TPD52L1: variants seen among roughly 807,000 people sequenced by gnomAD.
TPD52L1 encodes TPD52 like 1.
A neutral mutation model predicts 28.7 loss-of-function variants in TPD52L1; 18 were observed. The ratio of observed to expected loss-of-function variants is 0.63; its 90% CI spans 0.43 to 0.93. The LOEUF (loss-of-function observed/expected upper bound fraction) is 0.93, where lower values mean the gene tolerates loss of function less well. TPD52L1 is among the 40% of genes least tolerant of loss of function. The pLI is 0.00. For missense variants in TPD52L1, 203 were observed against 254.8 expected (o/e 0.80, Z 1.39); for synonymous variants, 75 against 88.8 (o/e 0.84, Z 0.88).
chr6:125,222,226 CCATCT>C (rs1337066253), intron 2 of TPD52L1, among the ~76,000 whole-genome samples: 2 of 152,226 alleles, frequency 1.3e-5, no homozygotes, highest in Non-Finnish European at 2.9e-5. Flanking sequence ...ACATAGAAAG[CCATCT>C]CTGCAGTCTC....
chr6:125,210,603 C>T (rs1794431885), intron 1 of TPD52L1, among the ~76,000 whole-genome samples: 2 of 151,770 alleles, frequency 1.3e-5, no homozygotes, highest in South Asian at 2.1e-4. Context: ...GGTATATATG[C>T]GGGTGGCACC....
chr6:125,229,184 A>C lies in TPD52L1; in HGVS notation c.202A>C (p.Lys68Gln). The C allele has an allele frequency of 6.2e-7, 1 of 1,613,858 alleles. No homozygotes were observed. The highest frequency in any genetic ancestry group is 8.5e-7 in the Non-Finnish European group (1 of 1,179,876). Reference protein sequence around the residue: ...SAKERHLVEIKQKLGMNLMNE... With the variant: ...SAKERHLVEIQQKLGMNLMNE... ...GAAAGAAAGGCATCTAGTTGAGATA[A>C]AACAAAAACTCGGCATGAACCTGAT... is the stretch of plus-strand genomic sequence containing the variant. Residue 68 changes from lysine (K) to glutamine (Q), a missense_variant, in exon 3 of 7, where the codon AAA becomes CAA. Lys to Gln is a moderately conservative substitution (Grantham distance 53). Transcript: ENST00000534000.
At chr6:125,210,072 A>G (rs959888800) in intron 1 of TPD52L1, among the ~76,000 whole-genome samples, 1 of 152,222 alleles carries the variant, frequency 6.6e-6, no homozygotes. Context: ...GTGCCAATGA[A>G]AAATGAGGCT....
Position 125,220,205 on chromosome 6 carries a change from A to G in TPD52L1, c.135+12A>G. 1 of 1,528,700 alleles carries G rather than the reference A, an allele frequency of 6.5e-7. No individual in the cohort carries two copies. Among genetic ancestry groups the G allele is most frequent in the Middle Eastern group, 1.7e-4 (1 of 5,898 alleles). The allele number at this position is 1,528,700 out of a possible 1,614,324, so 94.7% of individuals were successfully genotyped here. A position where few individuals can be genotyped will look rare whatever the true frequency, so the allele number is the denominator to read the frequency against. On this transcript the variant is annotated intron_variant, in intron 2 of 6. Coordinates refer to ENST00000534000, the MANE Select transcript of TPD52L1 (RefSeq NM_003287.4). ...CAGAGTTAGTTCAGGTATGTTTAGT[A>G]ATCTTATTGTTGCTATTTCTATCTC...
intron 1 of TPD52L1, among the ~76,000 whole-genome samples, chr6:125,188,132 A>G (rs908062525): frequency 3.3e-5 from 5 of 152,344 alleles, no homozygotes; most frequent in Non-Finnish European, 7.4e-5. Context: ...ACATTCCGCC[A>G]AAGCCTTCAG....
intron 3 of TPD52L1, 74 bp from the exon 4 acceptor site, chr6:125,248,208 A>G: frequency 1.7e-6 from 2 of 1,178,806 alleles, no homozygotes; most frequent in Non-Finnish European, 2.5e-6. Context: ...TTTCAAAGTA[A>G]GGAGTGAGAA....
At chr6:125,184,344 G>A (rs1428611819) in intron 1 of TPD52L1, among the ~76,000 whole-genome samples, 1 of 152,196 alleles carries the variant, frequency 6.6e-6, no homozygotes, top group Non-Finnish European at 1.5e-5. Flanking sequence ...ATAGTTAGGG[G>A]CAGAAAACTG....
intron 1 of TPD52L1, among the ~76,000 whole-genome samples, chr6:125,199,455 C>T (rs1173715718): frequency 3.3e-5 from 5 of 152,136 alleles, no homozygotes; most frequent in South Asian, 2.1e-4. Flanking sequence ...GAGGCTGCGG[C>T]GGGCAGAATC....
intron 3 of TPD52L1, among the ~76,000 whole-genome samples, chr6:125,243,097 C>T (rs1017370897): frequency 1.3e-5 from 2 of 151,896 alleles, no homozygotes; most frequent in South Asian, 2.1e-4. Flanking sequence ...TAATTGTCTG[C>T]CAATTATTTT....
chr6:125,175,491 T>G (rs1458934033), intron 1 of TPD52L1, among the ~76,000 whole-genome samples: 1 of 152,004 alleles, frequency 6.6e-6, no homozygotes, highest in Non-Finnish European at 1.5e-5. Context: ...AGCTTAAGAG[T>G]CCAAGTGTGT....
chr6:125,156,743 T>C (rs1790164781), intron 1 of TPD52L1, among the ~76,000 whole-genome samples: 1 of 152,030 alleles, frequency 6.6e-6, no homozygotes, highest in Non-Finnish European at 1.5e-5. Context: ...CACCCCAGCT[T>C]GGGCGAGAGG....
At chr6:125,225,860 C>T (rs1795574635) in intron 2 of TPD52L1, among the ~76,000 whole-genome samples, 1 of 152,118 alleles carries the variant, frequency 6.6e-6, no homozygotes. Flanking sequence ...ACTCTCAGGG[C>T]ATTAAAAGGC....
At chr6:125,168,472 G>A (rs1232662350) in intron 1 of TPD52L1, among the ~76,000 whole-genome samples, 2 of 151,584 alleles carry the variant, frequency 1.3e-5, no homozygotes, top group Non-Finnish European at 2.9e-5. Context: ...CCTCTCAAAT[G>A]GTGTCCTACA....
At chr6:125,154,717 C>A (rs1789999802) in intron 1 of TPD52L1, among the ~76,000 whole-genome samples, 1 of 152,036 alleles carries the variant, frequency 6.6e-6, no homozygotes, top group Non-Finnish European at 1.5e-5. Flanking sequence ...TGGAATCGTT[C>A]AAGAATGGGG....
At position 125,264,109 on chromosome 6, in the gene TPD52L1, T is replaced by C. The variant is rs906273281; in HGVS notation, c.*1147T>C. 23 of 152,198 alleles carry C rather than the reference T, an allele frequency of 1.5e-4. No homozygotes were observed. Among genetic ancestry groups the C allele is most frequent in the Admixed American group, 1.0e-3 (16 of 15,280 alleles). 9.4% of individuals were successfully genotyped at this position (152,198 alleles called of 1,614,324 possible). A position where few individuals can be genotyped will look rare whatever the true frequency, so the allele number is the denominator to read the frequency against. ...TGTTCACATGTATGAAAATAACTGG[T>C]ATTTATCAATCCACTCAGATTTCTG... On this transcript the variant is annotated 3_prime_UTR_variant, in exon 7 of 7. Transcript: ENST00000534000.
At chr6:125,252,091 G>C (rs906720119) in intron 4 of TPD52L1, 1 of 1,528,146 alleles carries the variant, frequency 6.5e-7, no homozygotes, top group African/African-American at 1.4e-5. Context: ...CTGCCCCTTT[G>C]CTTTCCAGGG....
At chr6:125,159,815 G>A (rs1420879009) in intron 1 of TPD52L1, among the ~76,000 whole-genome samples, 1 of 152,128 alleles carries the variant, frequency 6.6e-6, no homozygotes, top group East Asian at 1.9e-4. Flanking sequence ...ATCTCCATCA[G>A]AACTCTTGGG....
intron 1 of TPD52L1, among the ~76,000 whole-genome samples, chr6:125,168,548 C>T (rs1289504880): frequency 3.4e-5 from 5 of 149,030 alleles, no homozygotes; most frequent in East Asian, 2.0e-4. Context: ...GACGGAGTCT[C>T]GCTCTGTTGC....
Position 125,184,180 on chromosome 6 carries a change from T to C in TPD52L1, c.19+30210T>C, listed in dbSNP as rs9482609. Reference sequence around the variant, plus strand: ...CTGCTCCCAGAACTGGGGCCCCACATTGATGCTACCATAGCAACTTATTAA... The same window carrying C: ...CTGCTCCCAGAACTGGGGCCCCACACTGATGCTACCATAGCAACTTATTAA... On this transcript the variant is annotated intron_variant, in intron 1 of 6. Transcript: ENST00000534000. Among the ~76,000 whole-genome samples the C allele has an allele frequency of 9.5e-3, 1,452 of 152,292 alleles. 22 individuals are homozygous for C. Among genetic ancestry groups the C allele is most frequent in the African/African-American group, 0.033 (1,389 of 41,558 alleles).
Sources: allele counts gnomAD v4.1 joint callset (sites outside exome capture counted in the v4.1 genomes callset), GRCh38; gene constraint gnomAD v4.1.1; transcripts MANE v1.5; gene names NCBI Gene and HGNC (gene_info 2026-07-23, HGNC 2026-07-21).